COL18A1: variants seen among roughly 807,000 people sequenced by gnomAD.
The protein encoded by COL18A1 is collagen alpha-1(XVIII) chain.
Under a neutral mutation model 168.0 loss-of-function variants are expected in COL18A1, and 133 were observed. The observed-to-expected ratio is 0.79, with a 90% CI of 0.69 to 0.91. COL18A1 has a LOEUF of 0.91. COL18A1 is among the 40% of genes least tolerant of loss of function. The pLI is 0.00. For missense variants in COL18A1, 2,126 were observed against 1,925.4 expected, an observed-to-expected ratio of 1.10 and a Z score of -1.95; for synonymous variants, 949 against 809.0, an observed-to-expected ratio of 1.17 and a Z score of -2.94.
At chr21:45,507,479 G>A in intron 37 of COL18A1, 82 bp from the exon 38 acceptor site, 1 of 435,636 alleles carries the variant, frequency 2.3e-6, no homozygotes, top group Non-Finnish European at 3.1e-6. Flanking sequence ...TGCTGGGGCG[G>A]GAGAGTCGGG....
chr21:45,457,534 C>CT lies in COL18A1; in HGVS notation c.107-10707dup, dbSNP rs1420276081. Among the ~76,000 whole-genome samples, 1 of 152,210 alleles carries CT rather than the reference C, an allele frequency of 6.6e-6. No homozygotes were observed. Among genetic ancestry groups the CT allele is most frequent in the Admixed American group, 6.5e-5 (1 of 15,290 alleles). The stretch of plus-strand genomic sequence containing the variant: ...ATCACCGTGTGGCCTGGCCTTGTTG[C>CT]TGGCTGGACAGTTGGGGGCAGGAAG... On this transcript the variant is annotated intron_variant, in intron 2 of 41. Transcript: ENST00000651438. The surrounding 1 kb of genome is among the most constrained non-coding windows in gnomAD (Gnocchi z 4.6).
chr21:45,415,839 G>A (rs1396329912), intron 2 of COL18A1, among the ~76,000 whole-genome samples: 1 of 152,258 alleles, frequency 6.6e-6, no homozygotes, highest in African/African-American at 2.4e-5. Context: ...GGCATGGTGT[G>A]TTGGGGGTTT....
At position 45,489,120 on chromosome 21, in the gene COL18A1, C is replaced by G. The variant is rs553911809; in HGVS notation, c.1924-366C>G. 4.6e-4 allele frequency among the ~76,000 whole-genome samples: 70 copies of G among 152,352 alleles called. 1 individual carries two copies. The highest frequency in any genetic ancestry group is 1.5e-3 in the African/African-American group (64 of 41,576). On this transcript the variant is annotated intron_variant, in intron 18 of 41. Coordinates refer to ENST00000651438, the MANE Select transcript of COL18A1 (RefSeq NM_001379500.1). ...CTGCCATGGCACCTGCTCCTTTGAG[C>G]TTTGCTTTCATTTGCAAGACATCGG...
Position 45,473,938 on chromosome 21 carries a change from G to T in COL18A1, c.695G>T (p.Ser232Ile). 1 of 1,606,140 alleles carries T rather than the reference G, an allele frequency of 6.2e-7. No individual in the cohort carries two copies. Among genetic ancestry groups the T allele is most frequent in the Non-Finnish European group, 8.5e-7 (1 of 1,176,524 alleles). ...ELKVRRDPQV[S>I]PMHCLDEEGD... ...AAGGTGCGCAGGGACCCCCAGGTGA[G>T]CCCCATGCACTGCCTGGACGAGGAA... is the stretch of plus-strand genomic sequence containing the variant. The change falls in exon 4 of 42, where the codon AGC becomes ATC. Residue 232 changes from serine to isoleucine, a missense_variant. By Grantham distance (142) the Ser-to-Ile change is moderately radical (BLOSUM62 -2). Transcript: ENST00000651438. This position sits in a 1 kb window ranked among gnomAD's most constrained non-coding sequence, Gnocchi z 4.0.
In COL18A1 at chr21:45,437,154, TCAGA is replaced by T. The variant is rs763221297; in HGVS notation, c.107-31085_107-31082del. Among the ~76,000 whole-genome samples the T allele has an allele frequency of 1.1e-4, 8 of 73,906 alleles. 2 individuals carry two copies. The South Asian group carries it at 2.1e-3, about 20-fold the overall frequency. The allele number at this position is 73,906 out of a possible 152,430, so 48.5% of individuals were successfully genotyped here. On this transcript the variant is annotated intron_variant, in intron 2 of 41. Coordinates refer to ENST00000651438, the MANE Select transcript of COL18A1 (RefSeq NM_001379500.1). ...AGGCACTCTCCACACACACTCACAC[TCAGA>T]CACAGGCACTCTCCTGCACACACAC...
In COL18A1 at chr21:45,441,136, G is replaced by A. The variant is rs147395559; in HGVS notation, c.107-27106G>A. 3.4e-3 allele frequency among the ~76,000 whole-genome samples: 514 copies of A among 152,268 alleles called. 3 individuals carry two copies. The highest frequency in any genetic ancestry group is 0.012 in the African/African-American group (495 of 41,544). ...AGACTTTCCCATCTCCCCACTATGG[G>A]CGGAATCTGCTGCAGCTGCCCAGAC... On this transcript the variant is annotated intron_variant, in intron 2 of 41. Transcript: ENST00000651438.
In COL18A1 at chr21:45,425,861, G is replaced by A. The variant is rs568350071; in HGVS notation, c.106+20388G>A. Among the ~76,000 whole-genome samples the A allele has an allele frequency of 5.3e-5, 8 of 152,296 alleles. No individual in the cohort carries two copies. The South Asian group carries it at 1.2e-3, about 24-fold the overall frequency. On this transcript the variant is annotated intron_variant, in intron 2 of 41. Transcript: ENST00000651438. This position sits in a 1 kb window ranked among gnomAD's most constrained non-coding sequence, Gnocchi z 4.1. ...CCAAGTTAGAACAGCACATCTGTGC[G>A]TGCAAACTTCATTCTGACTTCGGCC...
intron 29 of COL18A1, chr21:45,496,239 T>G (rs2146007825): frequency 3.0e-6 from 2 of 677,068 alleles, no homozygotes; most frequent in Non-Finnish European, 2.7e-6. Flanking sequence ...CCTTTTTACC[T>G]GAGACGCAGA....
At position 45,473,966 on chromosome 21, in the gene COL18A1, C is replaced by A; in HGVS notation, c.723C>A (p.Gly241=). ...CCATGCACTGCCTGGACGAGGAAGGCGATGACTCAGATGGGGTGAGTGACA... is the reference window on the plus strand; with the variant it reads ...CCATGCACTGCCTGGACGAGGAAGGAGATGACTCAGATGGGGTGAGTGACA... The part of the protein sequence containing the change: ...VSPMHCLDEE[G]DDSDGASGDS... Residue 241 remains glycine (G), a synonymous_variant, in exon 4 of 42, where the codon GGC becomes GGA. Transcript: ENST00000651438. This position sits in a 1 kb window ranked among gnomAD's most constrained non-coding sequence, Gnocchi z 4.0. 1 of 1,598,262 alleles carries A rather than the reference C, an allele frequency of 6.3e-7. No individual in the cohort carries two copies. The highest frequency in any genetic ancestry group is 1.1e-5 in the South Asian group (1 of 88,198).
chr21:45,419,916 C>T (rs907010862), intron 2 of COL18A1: 1 of 152,192 alleles, frequency 6.6e-6, no homozygotes, highest in African/African-American at 2.4e-5. Context: ...ACATTACGGC[C>T]GTGTCCCCGC....
At chr21:45,504,381 C>G in intron 33 of COL18A1, 35 bp from the exon 34 acceptor site, 6 of 1,601,570 alleles carry the variant, frequency 3.7e-6, no homozygotes, top group Non-Finnish European at 5.1e-6. Flanking sequence ...TGTAGGGGTT[C>G]AGGGCTCCCG....
At chr21:45,433,713 C>T (rs1438102500) in intron 2 of COL18A1, among the ~76,000 whole-genome samples, 1 of 152,168 alleles carries the variant, frequency 6.6e-6, no homozygotes, top group Non-Finnish European at 1.5e-5. Context: ...ATGTGGGATT[C>T]GATAATTTTC....
intron 2 of COL18A1, among the ~76,000 whole-genome samples, chr21:45,437,358 GCACA>G (rs1381934308): frequency 5.7e-4 from 9 of 15,882 alleles, no homozygotes; most frequent in East Asian, 2.2e-3. Context: ...ACTCTCCTGC[GCACA>G]CACACACACT....
In COL18A1 at chr21:45,512,843, G is replaced by A. The variant is rs1385955473; in HGVS notation, c.*445G>A. On this transcript the variant is annotated 3_prime_UTR_variant, in exon 42 of 42. Transcript: ENST00000651438. Reference sequence around the variant, plus strand: ...AGACAGGCCCCGTGAGGCAATGGGAGCTGAGGCCACACTCAGCACAAGGCC... The same window carrying A: ...AGACAGGCCCCGTGAGGCAATGGGAACTGAGGCCACACTCAGCACAAGGCC... The A allele has an allele frequency of 3.5e-6, 1 of 283,412 alleles. No individual in the cohort carries two copies. Among genetic ancestry groups the A allele is most frequent in the Non-Finnish European group, 6.8e-6 (1 of 146,038 alleles). 17.6% of individuals were successfully genotyped at this position (283,412 alleles called of 1,614,324 possible).
chr21:45,442,790 G>T (rs1371908912), intron 2 of COL18A1, among the ~76,000 whole-genome samples: 1 of 97,768 alleles, frequency 1.0e-5, no homozygotes, highest in Non-Finnish European at 1.9e-5. Flanking sequence ...GTCCTGGTGT[G>T]GGCGGTGGTG....
At chr21:45,511,405 T>C (rs185073476) in intron 41 of COL18A1, among the ~76,000 whole-genome samples, 179 bp downstream of exon 41, 5 of 152,216 alleles carry the variant, frequency 3.3e-5, no homozygotes, top group African/African-American at 9.6e-5. Flanking sequence ...TGAGAAGTCA[T>C]CATTAGCAAT....
At chr21:45,506,433 G>A (rs570638980) in intron 37 of COL18A1, 3 of 292,780 alleles carry the variant, frequency 1.0e-5, no homozygotes, top group African/African-American at 2.2e-5. Context: ...TGCTTAGCAC[G>A]GGCCTTGCTC....
Position 45,509,349 on chromosome 21 carries a change from C to T in COL18A1, c.3250-7C>T, listed in dbSNP as rs2037435202. 2 of 1,545,568 alleles carry T rather than the reference C, an allele frequency of 1.3e-6. No homozygotes were observed. The highest frequency in any genetic ancestry group is 1.7e-6 in the Non-Finnish European group (2 of 1,147,228). On this transcript the variant is annotated splice_polypyrimidine_tract_variant and splice_region_variant and intron_variant, in intron 38 of 41. Coordinates refer to ENST00000651438, the MANE Select transcript of COL18A1 (RefSeq NM_001379500.1). ...CCGCCGACAGGCCCCACGTCTCCCA[C>T]CTGCAGGACAATGAAGTGGCCGCCT...
rs568057284 is a variant in COL18A1, at chr21:45,506,541, C to T, written c.3216+575C>T. The T allele has an allele frequency of 2.2e-4, 43 of 197,912 alleles. No homozygotes were observed. In the East Asian group the frequency reaches 2.8e-3, roughly 13 times the overall value. The allele number at this position is 197,912 out of a possible 1,614,324, so 12.3% of individuals were successfully genotyped here. On this transcript the variant is annotated intron_variant, in intron 37 of 41. Transcript: ENST00000651438. ...AAATGGTCTGGGTGGCAGGAGTGGC[C>T]GCTCTGATCCAGGTGGGTGCGGCCA...
Sources: gnomAD v4.1 joint callset for allele counts (sites outside exome capture counted in the v4.1 genomes callset) on GRCh38, gnomAD v4.1.1 for gene constraint, Gnocchi (gnomAD v3.1) non-coding constraint, MANE v1.5 for transcripts, NCBI Gene and HGNC (gene_info 2026-07-23, HGNC 2026-07-21) for gene names.